The following JAKMIP3 variants were observed in gnomAD, a reference collection of about 807,000 sequenced individuals.
The protein encoded by JAKMIP3 is janus kinase and microtubule-interacting protein 3.
A neutral mutation model predicts 118.5 loss-of-function variants in JAKMIP3; 58 were observed. That is an observed-to-expected ratio of 0.49 (90% CI 0.40 to 0.61). The LOEUF (loss-of-function observed/expected upper bound fraction) is 0.61, where lower values mean the gene tolerates loss of function less well. Ranked by LOEUF, JAKMIP3 falls within the 20% of genes least tolerant of loss-of-function variation. The pLI, the probability that JAKMIP3 is intolerant of heterozygous loss-of-function variation, is 0.00. For missense variants in JAKMIP3, 950 were observed against 1,109.0 expected (o/e 0.86, Z 2.04); for synonymous variants, 486 against 451.2 (o/e 1.08, Z -0.98).
chr10:132,163,045 G>A (rs2058520127), intron 19 of JAKMIP3, among the ~76,000 whole-genome samples, 164 bp from the exon 20 acceptor site: 1 of 152,198 alleles, frequency 6.6e-6, no homozygotes, highest in Admixed American at 6.5e-5. Flanking sequence ...GAGGTCCGTG[G>A]GGCCCCTGGT....
rs1273401007 is a variant in JAKMIP3 at position 132,135,102 on chromosome 10, C to T, written c.911C>T (p.Ala304Val). The T allele has an allele frequency of 3.7e-6, 6 of 1,613,224 alleles. No homozygotes were observed. The highest frequency in any genetic ancestry group is 2.2e-5 in the East Asian group (1 of 44,886). The change falls in exon 5 of 24, where the codon GCG becomes GTG. Residue 304 changes from alanine (A) to valine (V), a missense_variant. Coordinates refer to ENST00000684848, the MANE Select transcript of JAKMIP3 (RefSeq NM_001323087.2). Reference sequence around the variant, plus strand: ...CAGCTTAAAATCGCGGAGTTAAGTGCGATTATCCGCAAACTGGAGGACCGC... The same window carrying T: ...CAGCTTAAAATCGCGGAGTTAAGTGTGATTATCCGCAAACTGGAGGACCGC... ...RFQLKIAELSAIIRKLEDRNA... is the reference protein window; with the variant it reads ...RFQLKIAELSVIIRKLEDRNA...
At chr10:132,110,482 G>A (rs1019880806) in intron 2 of JAKMIP3, among the ~76,000 whole-genome samples, 2 of 152,260 alleles carry the variant, frequency 1.3e-5, no homozygotes, top group African/African-American at 4.8e-5. Flanking sequence ...CGAGGGAGGG[G>A]AGCTGCTTGT....
intron 18 of JAKMIP3, 26 bp from the exon 19 acceptor site, chr10:132,153,887 C>A: frequency 1.2e-6 from 2 of 1,612,700 alleles, no homozygotes; most frequent in Non-Finnish European, 1.7e-6. Context: ...CATCCGAGAC[C>A]GAGGCATGGC....
At chr10:132,152,915 G>T in intron 16 of JAKMIP3, 43 bp from the exon 17 acceptor site, 1 of 1,506,686 alleles carries the variant, frequency 6.6e-7, no homozygotes, top group South Asian at 1.2e-5. Flanking sequence ...CACCCCCAAA[G>T]GCACTGCTTC....
At chr10:132,139,470 ATGTG>A (rs750126542) in intron 9 of JAKMIP3, among the ~76,000 whole-genome samples, 24 of 118,142 alleles carry the variant, frequency 2.0e-4, no homozygotes, top group Non-Finnish European at 2.7e-4. Context: ...GCATGTGTGT[ATGTG>A]TGAGTGTGTG....
chr10:132,097,301 G>A (rs1335737670), intron 1 of JAKMIP3, among the ~76,000 whole-genome samples: 1 of 152,204 alleles, frequency 6.6e-6, no homozygotes, highest in African/African-American at 2.4e-5. Flanking sequence ...GCCACACCGT[G>A]GGTCACTCTG....
rs1210704362 is a variant in JAKMIP3 at position 132,112,999 on chromosome 10, C to T, written c.136-4078C>T. Among the ~76,000 whole-genome samples the T allele has an allele frequency of 6.6e-6, 1 of 152,202 alleles. No individual in the cohort carries two copies. Among genetic ancestry groups the T allele is most frequent in the Non-Finnish European group, 1.5e-5 (1 of 68,036 alleles). ...TGAAAGACTGTGACCGTCCCACTTT[C>T]TAAAGCGTGACTTACTGAAATATAC... On this transcript the variant is annotated intron_variant, in intron 2 of 23. Transcript: ENST00000684848. This position sits in a 1 kb window ranked among gnomAD's most constrained non-coding sequence, Gnocchi z 4.3.
chr10:132,165,141 G>C (rs2058765160), intron 21 of JAKMIP3, among the ~76,000 whole-genome samples: 1 of 152,224 alleles, frequency 6.6e-6, no homozygotes, highest in Non-Finnish European at 1.5e-5. Flanking sequence ...TAAGAATCCA[G>C]TTCCCGGATC....
At chr10:132,166,140 A>G (rs2058876529) in intron 21 of JAKMIP3, among the ~76,000 whole-genome samples, 1 of 152,184 alleles carries the variant, frequency 6.6e-6, no homozygotes, top group South Asian at 2.1e-4. Flanking sequence ...CCTGGGCAAC[A>G]TAGTGAGACC....
chr10:132,154,236 A>G (rs1317410778), intron 19 of JAKMIP3, among the ~76,000 whole-genome samples: 1 of 152,260 alleles, frequency 6.6e-6, no homozygotes, highest in Non-Finnish European at 1.5e-5. Flanking sequence ...TGCAGTGAGA[A>G]TGTTCTACAG....
chr10:132,172,701 C>T (rs1239977431), intron 23 of JAKMIP3, among the ~76,000 whole-genome samples: 2 of 151,878 alleles, frequency 1.3e-5, no homozygotes, highest in African/African-American at 4.8e-5. Flanking sequence ...TCCTCCAGGC[C>T]GGCGCCCTGC....
intron 1 of JAKMIP3, among the ~76,000 whole-genome samples, chr10:132,073,167 C>T (rs1048497249): frequency 2.0e-5 from 3 of 152,090 alleles, no homozygotes; most frequent in Non-Finnish European, 2.9e-5. Flanking sequence ...CACTGATGGA[C>T]ACTTTGATCT....
chr10:132,072,420 A>G (rs954084647), intron 1 of JAKMIP3, among the ~76,000 whole-genome samples: 8 of 152,094 alleles, frequency 5.3e-5, no homozygotes, highest in African/African-American at 1.9e-4. Context: ...GTATAGTCCC[A>G]GCTACTTGGG....
intron 1 of JAKMIP3, among the ~76,000 whole-genome samples, chr10:132,045,957 C>G (rs2037900504): frequency 6.6e-6 from 1 of 150,636 alleles, no homozygotes; most frequent in Non-Finnish European, 1.5e-5. Context: ...AATACACACA[C>G]TCTTTATATT....
chr10:132,142,199 A>C (rs1053653318), intron 11 of JAKMIP3, among the ~76,000 whole-genome samples, 151 bp downstream of exon 11: 6 of 151,944 alleles, frequency 3.9e-5, no homozygotes, highest in African/African-American at 1.5e-4. Flanking sequence ...TGCCCATGGA[A>C]GCCGATCAAA....
intron 19 of JAKMIP3, among the ~76,000 whole-genome samples, chr10:132,161,365 GGC>G (rs1564986133): frequency 8.9e-5 from 1 of 11,176 alleles, no homozygotes. Flanking sequence ...ATGCTGGGGG[GGC>G]CTCTTCCTGT....
chr10:132,155,736 T>C (rs1418437608), intron 19 of JAKMIP3, among the ~76,000 whole-genome samples: 1 of 152,206 alleles, frequency 6.6e-6, no homozygotes, highest in Non-Finnish European at 1.5e-5. Context: ...CTATGGTTAG[T>C]GTCACTATTG....
At chr10:132,078,896 G>A (rs1041037339) in intron 1 of JAKMIP3, among the ~76,000 whole-genome samples, 24 of 152,352 alleles carry the variant, frequency 1.6e-4, no homozygotes, top group African/African-American at 5.5e-4. Flanking sequence ...GATTGGCCGT[G>A]GCCGCCGTGC....
chr10:132,103,571 AGT>A (rs1258439227), intron 1 of JAKMIP3, among the ~76,000 whole-genome samples: 1 of 151,942 alleles, frequency 6.6e-6, no homozygotes, highest in Non-Finnish European at 1.5e-5. Context: ...ACAGAAGGAA[AGT>A]GTGAGGATCT....
Sources: gnomAD v4.1 joint callset for allele counts (sites outside exome capture counted in the v4.1 genomes callset) on GRCh38, gnomAD v4.1.1 for gene constraint, Gnocchi (gnomAD v3.1) non-coding constraint, MANE v1.5 for transcripts, NCBI Gene and HGNC (gene_info 2026-07-23, HGNC 2026-07-21) for gene names.